UBE3A: variants seen among roughly 807,000 people sequenced by gnomAD.
UBE3A encodes the protein ubiquitin protein ligase E3A.
Under a neutral mutation model 83.4 loss-of-function variants are expected in UBE3A, and 6 were observed. That is an observed-to-expected ratio of 0.07 (90% confidence interval 0.04 to 0.14). The LOEUF (loss-of-function observed/expected upper bound fraction) is 0.14. UBE3A is among the 10% of genes least tolerant of loss of function. UBE3A has a pLI of 1.00. For missense variants in UBE3A, 456 were observed against 1,036.1 expected (o/e 0.44, Z 7.69); for synonymous variants, 337 against 355.4 (o/e 0.95, Z 0.58).
At chr15:25,398,444 C>T (rs1052728153) in intron 4 of UBE3A, among the ~76,000 whole-genome samples, 27 of 151,922 alleles carry the variant, frequency 1.8e-4, no homozygotes, top group African/African-American at 5.8e-4. Flanking sequence ...CTCTGACCAA[C>T]ACCTCTGCAA....
intron 1 of UBE3A, among the ~76,000 whole-genome samples, chr15:25,428,572 A>G (rs1212665296): frequency 1.3e-5 from 2 of 152,224 alleles, no homozygotes; most frequent in African/African-American, 4.8e-5. Flanking sequence ...TTTTCAACAT[A>G]AATGTTGTAC....
chr15:25,340,952 T>G (rs1439185812), intron 11 of UBE3A, among the ~76,000 whole-genome samples: 1 of 152,226 alleles, frequency 6.6e-6, no homozygotes, highest in Non-Finnish European at 1.5e-5. Context: ...TATGTTTTAA[T>G]GACACTTATG....
Position 25,360,264 on chromosome 15 carries a change from T to C in UBE3A, c.1753+119A>G, listed in dbSNP as rs1012723283. ...AGTCATGATGTGTGATTCTGGGTAATCCATACCAAATCCTTCTTTTGCTGC... is the reference window on the plus strand; with the variant it reads ...AGTCATGATGTGTGATTCTGGGTAACCCATACCAAATCCTTCTTTTGCTGC... On this transcript the variant is annotated intron_variant, in intron 7 of 12. Transcript: ENST00000648336. 8.9e-6 allele frequency: 12 copies of C among 1,341,236 alleles called. No homozygotes were observed. The African/African-American group carries it at 1.7e-4, about 19-fold the overall frequency. 83.1% of individuals were successfully genotyped at this position (1,341,236 alleles called of 1,614,324 possible). A position where few individuals can be genotyped will look rare whatever the true frequency, so the allele number is the denominator to read the frequency against.
At chr15:25,362,019 G>T (rs1729852478) in intron 6 of UBE3A, among the ~76,000 whole-genome samples, 1 of 152,044 alleles carries the variant, frequency 6.6e-6, no homozygotes, top group African/African-American at 2.4e-5. Flanking sequence ...CTCATTAGTG[G>T]GTAGTCTAAT....
intron 5 of UBE3A, chr15:25,374,204 A>G (rs2080806076): frequency 1.3e-5 from 2 of 152,266 alleles, no homozygotes; most frequent in Admixed American, 6.5e-5. Context: ...GGATAAGGAA[A>G]GGTCACAACT....
At chr15:25,408,286 A>G (rs1237107221) in intron 3 of UBE3A, 3 of 362,286 alleles carry the variant, frequency 8.3e-6, no homozygotes, top group African/African-American at 2.1e-5. Flanking sequence ...TTTGGCTCCT[A>G]AAGAGTCTAC....
At chr15:25,411,382 G>C (rs549615681) in intron 2 of UBE3A, among the ~76,000 whole-genome samples, 1 of 152,370 alleles carries the variant, frequency 6.6e-6, no homozygotes, top group South Asian at 2.1e-4. Flanking sequence ...TTGAGGCCAG[G>C]AGTTCGAGAC....
chr15:25,375,823 C>CT (rs1316929103), intron 4 of UBE3A, 60 bp from the exon 5 acceptor site: 3 of 1,588,494 alleles, frequency 1.9e-6, no homozygotes, highest in Non-Finnish European at 2.6e-6. Context: ...GTACAAAGCT[C>CT]AACATATCAT....
rs74801573 is a variant in UBE3A, at chr15:25,409,200, T to A, written c.-93A>T. 2 of 1,162,834 alleles carry A rather than the reference T, an allele frequency of 1.7e-6. No individual in the cohort carries two copies. The highest frequency in any genetic ancestry group is 1.2e-6 in the Non-Finnish European group (1 of 800,746). The allele number at this position is 1,162,834 out of a possible 1,614,324, so 72.0% of individuals were successfully genotyped here. A position where few individuals can be genotyped will look rare whatever the true frequency, so the allele number is the denominator to read the frequency against. ...TGCTACCTTGATCTGAGCGTAGGCT[T>A]AATAACTCTAATAAATTAAACAAAC... is the stretch of plus-strand genomic sequence containing the variant. On this transcript the variant is annotated 5_prime_UTR_variant, in exon 3 of 13. The change abolishes the stop of an existing upstream ORF in the 5' untranslated region. Transcript: ENST00000648336.
intron 4 of UBE3A, among the ~76,000 whole-genome samples, chr15:25,387,477 G>C (rs1233190194): frequency 6.6e-6 from 1 of 151,798 alleles, no homozygotes; most frequent in Admixed American, 6.6e-5. Context: ...AGCCGAGATC[G>C]AGCCACTGCA....
intron 1 of UBE3A, among the ~76,000 whole-genome samples, chr15:25,413,867 C>T (rs1440291034): frequency 6.6e-6 from 1 of 152,086 alleles, no homozygotes; most frequent in Non-Finnish European, 1.5e-5. Context: ...AATGTTGTAT[C>T]CACTCATTTT....
At chr15:25,412,959 C>A in intron 1 of UBE3A, 1 of 416,182 alleles carries the variant, frequency 2.4e-6, no homozygotes, top group Non-Finnish European at 4.7e-6. Flanking sequence ...TAATTTTTTT[C>A]AGACCAACCC....
chr15:25,435,108 T>C (rs1894657127), intron 1 of UBE3A, among the ~76,000 whole-genome samples: 1 of 150,902 alleles, frequency 6.6e-6, no homozygotes, highest in African/African-American at 2.4e-5. Flanking sequence ...TTGAACTTTT[T>C]AAAAGGAGTA....
At chr15:25,427,795 GAAAAAA>G (rs71127058) in intron 1 of UBE3A, among the ~76,000 whole-genome samples, 1 of 77,406 alleles carries the variant, frequency 1.3e-5, no homozygotes, top group African/African-American at 5.2e-5. Context: ...CTGTCTCCTG[GAAAAAA>G]AAAAAAAAAA....
chr15:25,345,600 A>G (rs934183395), intron 11 of UBE3A: 1 of 151,766 alleles, frequency 6.6e-6, no homozygotes, highest in African/African-American at 2.4e-5. Flanking sequence ...AAATAAATAA[A>G]TAACAGAACA....
chr15:25,390,612 T>C (rs535872859), intron 4 of UBE3A, among the ~76,000 whole-genome samples: 5 of 152,176 alleles, frequency 3.3e-5, no homozygotes, highest in South Asian at 2.1e-4. Context: ...GGATCGGTGA[T>C]TGCCAAGGAG....
rs1247209039 is a variant in UBE3A, at chr15:25,334,560, T to C, written c.*4577A>G. On this transcript the variant is annotated 3_prime_UTR_variant, in exon 13 of 13. Coordinates refer to ENST00000648336, the MANE Select transcript of UBE3A (RefSeq NM_130839.5). The stretch of plus-strand genomic sequence containing the variant: ...ATTGACACAATGATCATATAAAAAT[T>C]CATATGCAATGCAAGGGACCCAAAA... 2 of 150,902 alleles carry C rather than the reference T, an allele frequency of 1.3e-5. No homozygotes were observed. Among genetic ancestry groups the C allele is most frequent in the African/African-American group, 4.9e-5 (2 of 40,774 alleles). 9.3% of individuals were successfully genotyped at this position (150,902 alleles called of 1,614,324 possible). A position where few individuals can be genotyped will look rare whatever the true frequency, so the allele number is the denominator to read the frequency against.
At chr15:25,432,577 G>C (rs531492936) in intron 1 of UBE3A, among the ~76,000 whole-genome samples, 1 of 152,310 alleles carries the variant, frequency 6.6e-6, no homozygotes, top group Non-Finnish European at 1.5e-5. Flanking sequence ...AACTAGGAAA[G>C]AGCTACCAAG....
At chr15:25,389,965 A>G (rs901020684) in intron 4 of UBE3A, among the ~76,000 whole-genome samples, 1 of 152,024 alleles carries the variant, frequency 6.6e-6, no homozygotes, top group African/African-American at 2.4e-5. Context: ...AAAACAAACA[A>G]CCCAATTAAA....
Sources: allele counts gnomAD v4.1 joint callset (sites outside exome capture counted in the v4.1 genomes callset), GRCh38; gene constraint gnomAD v4.1.1; transcripts MANE v1.5; gene names NCBI Gene and HGNC (gene_info 2026-07-23, HGNC 2026-07-21).